The following SUB1 variants were observed in gnomAD, a reference collection of about 807,000 sequenced individuals.
SUB1 encodes SUB1 regulator of transcription, also known as activated RNA polymerase II transcriptional coactivator p15.
In SUB1, 1 loss-of-function variant was observed where a neutral mutation model predicts 16.9. The ratio of observed to expected loss-of-function variants is 0.06; its 90% confidence interval spans 0.02 to 0.28. SUB1 has a LOEUF of 0.28. Ranked by LOEUF, SUB1 falls within the 10% of genes least tolerant of loss-of-function variation. The pLI, the probability that SUB1 is intolerant of heterozygous loss-of-function variation, is 1.00. For missense variants in SUB1, 84 were observed against 145.2 expected (o/e 0.58, Z 2.16); for synonymous variants, 51 against 46.9 (o/e 1.09, Z -0.36).
chr5:32,598,118 G>C (rs541621526), intron 3 of SUB1: 1 of 151,426 alleles, frequency 6.6e-6, no homozygotes, highest in South Asian at 2.1e-4. Context: ...GGATCTTGCT[G>C]TGTTGCCCAG....
rs1408413125 is a variant in SUB1 at position 32,604,004 on chromosome 5, A to T, written c.*2920A>T. On this transcript the variant is annotated 3_prime_UTR_variant, in exon 5 of 5. Transcript: ENST00000265073. ...ATGCTTGTATGCTTTGTTTTCGTAC[A>T]TCTTCCATGGAGATGTCTGAATATA... The T allele has an allele frequency of 1.3e-5, 2 of 152,166 alleles. No homozygotes were observed. Among genetic ancestry groups the T allele is most frequent in the South Asian group, 4.1e-4 (2 of 4,830 alleles). 9.4% of individuals were successfully genotyped at this position (152,166 alleles called of 1,614,324 possible). A position where few individuals can be genotyped will look rare whatever the true frequency, so the allele number is the denominator to read the frequency against.
chr5:32,590,762 A>ATTTTTTT (rs70961652), intron 2 of SUB1, among the ~76,000 whole-genome samples: 387 of 33,952 alleles, frequency 0.011, 93 homozygotes, highest in East Asian at 0.11. Context: ...CGCCTGGCTA[A>ATTTTTTT]TTTTTTTTTT....
chr5:32,585,650 C>G (rs915859849), intron 1 of SUB1, 25 bp downstream of exon 1: 1 of 152,440 alleles, frequency 6.6e-6, no homozygotes, highest in East Asian at 1.9e-4. Flanking sequence ...CCCCCTACCC[C>G]TACTCCTCGG....
intron 3 of SUB1, chr5:32,598,174 T>C (rs1406860919): frequency 6.6e-6 from 1 of 152,252 alleles, no homozygotes; most frequent in African/African-American, 2.4e-5. Flanking sequence ...GGCCTCAGCC[T>C]CCTGAGTAGC....
Position 32,590,762 on chromosome 5 carries a change from A to ATTTTTTTTTTTTTTTT in SUB1, c.73-793_73-778dup, listed in dbSNP as rs70961652. Among the ~76,000 whole-genome samples the ATTTTTTTTTTTTTTTT allele has an allele frequency of 4.4e-3, 148 of 33,978 alleles. 53 individuals are homozygous for ATTTTTTTTTTTTTTTT. The highest frequency in any genetic ancestry group is 6.2e-3 in the Non-Finnish European group (116 of 18,662). The allele number at this position is 33,978 out of a possible 152,430, so 22.3% of individuals were successfully genotyped here. A position where few individuals can be genotyped will look rare whatever the true frequency, so the allele number is the denominator to read the frequency against. On this transcript the variant is annotated intron_variant, in intron 2 of 4. Transcript: ENST00000265073. The stretch of plus-strand genomic sequence containing the variant: ...AGGCGTGTGCCACCACGCCTGGCTA[A>ATTTTTTTTTTTTTTTT]TTTTTTTTTTTTTTTTTTTTTTTGA...
chr5:32,596,483 T>C (rs771244080), intron 3 of SUB1: 3 of 152,210 alleles, frequency 2.0e-5, no homozygotes, highest in Non-Finnish European at 4.4e-5. Flanking sequence ...CACAAAAATT[T>C]TTGCCAGTGT....
chr5:32,587,850 C>G (rs1217034915), intron 1 of SUB1, among the ~76,000 whole-genome samples: 2 of 152,144 alleles, frequency 1.3e-5, no homozygotes, highest in East Asian at 3.8e-4. Flanking sequence ...CTCAGGTGAT[C>G]CGCCTGCTTT....
At chr5:32,591,827 G>C (rs1738835400) in intron 3 of SUB1, 142 bp downstream of exon 3, 2 of 1,017,760 alleles carry the variant, frequency 2.0e-6, no homozygotes. Context: ...AGCCTCCCGA[G>C]TAGCTAGGAT....
intron 2 of SUB1, chr5:32,591,196 T>C (rs1738816936): frequency 6.2e-6 from 1 of 161,146 alleles, no homozygotes; most frequent in Non-Finnish European, 1.3e-5. Context: ...AATAAGTAAC[T>C]GACTAGCCTT....
At chr5:32,596,537 T>C (rs957185062) in intron 3 of SUB1, 2 of 152,258 alleles carry the variant, frequency 1.3e-5, no homozygotes, top group Non-Finnish European at 2.9e-5. Context: ...CATTTAGGTC[T>C]ATAATTCATG....
intron 2 of SUB1, among the ~76,000 whole-genome samples, chr5:32,589,090 G>A (rs1414278411): frequency 6.6e-6 from 1 of 151,792 alleles, no homozygotes; most frequent in Admixed American, 6.6e-5. Flanking sequence ...TTTGTAAAAT[G>A]TTAATTTTTT....
intron 3 of SUB1, chr5:32,597,175 G>A (rs1190830750): frequency 6.6e-6 from 1 of 151,286 alleles, no homozygotes; most frequent in Non-Finnish European, 1.5e-5. Flanking sequence ...TCACATTGTT[G>A]TGAAACAGAT....
chr5:32,596,426 TG>T (rs1223585068), intron 3 of SUB1: 4 of 152,252 alleles, frequency 2.6e-5, no homozygotes, highest in African/African-American at 9.6e-5. Context: ...TCTCCTTTTT[TG>T]CTTAATGCTT....
chr5:32,594,549 G>GT, intron 3 of SUB1: 1 of 448,932 alleles, frequency 2.2e-6, no homozygotes, highest in East Asian at 7.0e-5. Flanking sequence ...TTTAATTTGA[G>GT]TTTTCTTTTT....
intron 3 of SUB1, chr5:32,596,634 AT>A (rs1738974847): frequency 6.6e-6 from 1 of 152,154 alleles, no homozygotes; most frequent in South Asian, 2.1e-4. Flanking sequence ...TTTCAACACC[AT>A]TTGTTGAAAA....
At chr5:32,597,929 A>G (rs1231481159) in intron 3 of SUB1, 1 of 152,214 alleles carries the variant, frequency 6.6e-6, no homozygotes, top group Non-Finnish European at 1.5e-5. Context: ...GGTGTTTATC[A>G]ATAACATTAG....
chr5:32,594,710 T>G, intron 3 of SUB1: 1 of 394,672 alleles, frequency 2.5e-6, no homozygotes, highest in Non-Finnish European at 5.2e-6. Flanking sequence ...AACCCTATTG[T>G]GAACTGCGCA....
intron 2 of SUB1, among the ~76,000 whole-genome samples, chr5:32,590,324 T>A (rs1401765607): frequency 6.6e-6 from 1 of 152,066 alleles, no homozygotes; most frequent in Non-Finnish European, 1.5e-5. Context: ...TACTATTCCA[T>A]CAAGAAGGAA....
At chr5:32,598,779 GA>G (rs889799856) in intron 3 of SUB1, 181 bp from the exon 4 acceptor site, 72 of 412,462 alleles carry the variant, frequency 1.7e-4, no homozygotes, top group African/African-American at 1.2e-3. Context: ...TATATTTATT[GA>G]AAAAAATATG....
Sources: gnomAD v4.1 joint callset for allele counts (sites outside exome capture counted in the v4.1 genomes callset) on GRCh38, gnomAD v4.1.1 for gene constraint, MANE v1.5 for transcripts, NCBI Gene and HGNC (gene_info 2026-07-23, HGNC 2026-07-21) for gene names.